The following SPA17 variants were observed in gnomAD, a reference collection of about 807,000 sequenced individuals.
SPA17 encodes sperm surface protein Sp17.
A neutral mutation model predicts 13.8 loss-of-function variants in SPA17; 7 were observed. The ratio of observed to expected loss-of-function variants is 0.51; its 90% CI spans 0.29 to 0.95. The LOEUF (loss-of-function observed/expected upper bound fraction) is 0.95. SPA17 is among the 40% of genes least tolerant of loss of function. The pLI is 0.08. For synonymous variants in SPA17, 61 were observed against 59.0 expected (o/e 1.03, Z -0.16); for missense variants, 170 against 179.3 (o/e 0.95, Z 0.30).
At position 124,690,061 on chromosome 11, in the gene SPA17, G is replaced by A. The variant is rs193205606; in HGVS notation, c.226-1635G>A. Among the ~76,000 whole-genome samples, 10 of 152,192 alleles carry A rather than the reference G, an allele frequency of 6.6e-5. No homozygotes were observed. The East Asian group carries it at 7.7e-4, about 12-fold the overall frequency. Reference sequence around the variant, plus strand: ...CTAAGGAAAGCAGTATGGAGATTTCGCAAATAACTAAAAATAGAATGACCA... The same window carrying A: ...CTAAGGAAAGCAGTATGGAGATTTCACAAATAACTAAAAATAGAATGACCA... On this transcript the variant is annotated intron_variant, in intron 3 of 4. Coordinates refer to ENST00000227135, the MANE Select transcript of SPA17 (RefSeq NM_017425.4).
chr11:124,679,524 A>C (rs1943505487), intron 2 of SPA17, among the ~76,000 whole-genome samples: 1 of 152,218 alleles, frequency 6.6e-6, no homozygotes, highest in Admixed American at 6.5e-5. Context: ...CTTAAATTTG[A>C]GTTGAAAAAT....
intron 3 of SPA17, among the ~76,000 whole-genome samples, chr11:124,684,733 A>G (rs1271104245): frequency 2.0e-5 from 3 of 152,164 alleles, no homozygotes; most frequent in Non-Finnish European, 4.4e-5. Flanking sequence ...CTTTGACCAA[A>G]ATGCTGATAG....
chr11:124,696,650 C>CCTT lies in SPA17; in HGVS notation c.*2206_*2208dup, dbSNP rs1274839568. Reference sequence around the variant, plus strand: ...CTCTCTGGCTGTTCCTTCTCAATTCCCTTCACTGGTAACTCTTCAACTCCC... The same window carrying CCTT: ...CTCTCTGGCTGTTCCTTCTCAATTCCCTTCTTCACTGGTAACTCTTCAACTCCC... On this transcript the variant is annotated 3_prime_UTR_variant, in exon 5 of 5. Coordinates refer to ENST00000227135, the MANE Select transcript of SPA17 (RefSeq NM_017425.4). The CCTT allele has an allele frequency of 6.6e-6, 1 of 152,102 alleles. No individual in the cohort carries two copies. Among genetic ancestry groups the CCTT allele is most frequent in the Non-Finnish European group, 1.5e-5 (1 of 68,042 alleles). The allele number at this position is 152,102 out of a possible 1,614,324, so 9.4% of individuals were successfully genotyped here.
intron 4 of SPA17, among the ~76,000 whole-genome samples, chr11:124,693,972 C>G (rs931190842): frequency 6.6e-5 from 10 of 152,010 alleles, no homozygotes; most frequent in Non-Finnish European, 7.4e-5. Context: ...ACATTTTTAC[C>G]ATGCCTCAAG....
rs1943672564 is a variant in SPA17, at chr11:124,696,489, A to G, written c.*2043A>G. ...AGCACTATGCATTCCATACACACAC[A>G]CACACACACACAGATCTCATGGTAG... On this transcript the variant is annotated 3_prime_UTR_variant, in exon 5 of 5. Transcript: ENST00000227135. 6.6e-6 allele frequency: 1 copy of G among 152,158 alleles called. No individual in the cohort carries two copies. Among genetic ancestry groups the G allele is most frequent in the Admixed American group, 6.5e-5 (1 of 15,282 alleles). The allele number at this position is 152,158 out of a possible 1,614,324, so 9.4% of individuals were successfully genotyped here. A position where few individuals can be genotyped will look rare whatever the true frequency, so the allele number is the denominator to read the frequency against.
chr11:124,679,289 TC>T (rs1416786567), intron 2 of SPA17, among the ~76,000 whole-genome samples: 2 of 151,842 alleles, frequency 1.3e-5, no homozygotes, highest in Non-Finnish European at 2.9e-5. Context: ...AGTGCATATA[TC>T]CTAAAAACAA....
rs1397955160 is a variant in SPA17 at position 124,696,051 on chromosome 11, A to G, written c.*1605A>G. On this transcript the variant is annotated 3_prime_UTR_variant, in exon 5 of 5. Transcript: ENST00000227135. ...TTCAAGGTTGTGGCTTTCATTCTCT[A>G]ATGTCCACTCATACAGGCAGCCTTT... The G allele has an allele frequency of 6.6e-6, 1 of 152,144 alleles. No homozygotes were observed. The highest frequency in any genetic ancestry group is 2.4e-5 in the African/African-American group (1 of 41,412). The allele number at this position is 152,144 out of a possible 1,614,324, so 9.4% of individuals were successfully genotyped here. A position where few individuals can be genotyped will look rare whatever the true frequency, so the allele number is the denominator to read the frequency against.
At position 124,696,490 on chromosome 11, in the gene SPA17, C is replaced by T. The variant is rs1487874182; in HGVS notation, c.*2044C>T. The T allele has an allele frequency of 1.3e-5, 2 of 151,996 alleles. No individual in the cohort carries two copies. Among genetic ancestry groups the T allele is most frequent in the East Asian group, 3.9e-4 (2 of 5,178 alleles). The allele number at this position is 151,996 out of a possible 1,614,324, so 9.4% of individuals were successfully genotyped here. On this transcript the variant is annotated 3_prime_UTR_variant, in exon 5 of 5. Transcript: ENST00000227135. ...GCACTATGCATTCCATACACACACA[C>T]ACACACACACAGATCTCATGGTAGT...
At chr11:124,681,310 A>C in intron 2 of SPA17, 79 bp from the exon 3 acceptor site, 1 of 1,183,794 alleles carries the variant, frequency 8.4e-7, no homozygotes, top group South Asian at 1.7e-5. Flanking sequence ...GAAACAAGAA[A>C]CTTACATTTG....
At chr11:124,678,735 T>C (rs1943498536) in intron 2 of SPA17, among the ~76,000 whole-genome samples, 1 of 152,060 alleles carries the variant, frequency 6.6e-6, no homozygotes, top group South Asian at 2.1e-4. Context: ...GGGGAGTTTT[T>C]GTTTTTTGTT....
At chr11:124,676,012 C>T (rs1352214584) in intron 2 of SPA17, 1 of 152,234 alleles carries the variant, frequency 6.6e-6, no homozygotes, top group East Asian at 1.9e-4. Context: ...TTCCATCCTG[C>T]ACAGAGACCC....
chr11:124,680,329 C>T (rs1943515523), intron 2 of SPA17, among the ~76,000 whole-genome samples: 1 of 152,136 alleles, frequency 6.6e-6, no homozygotes, highest in South Asian at 2.1e-4. Context: ...CAAACCTATA[C>T]AGCTAGCTAC....
At position 124,695,328 on chromosome 11, in the gene SPA17, T is replaced by C. The variant is rs1565427627; in HGVS notation, c.*882T>C. ...CAGAACAAGACTAATAACATCATAT[T>C]GTAAAAAGCAAAAGCTATCATATCA... is the stretch of plus-strand genomic sequence containing the variant. On this transcript the variant is annotated 3_prime_UTR_variant, in exon 5 of 5. Coordinates refer to ENST00000227135, the MANE Select transcript of SPA17 (RefSeq NM_017425.4). 6.6e-6 allele frequency: 1 copy of C among 152,238 alleles called. No individual in the cohort carries two copies. The highest frequency in any genetic ancestry group is 2.4e-5 in the African/African-American group (1 of 41,464). The allele number at this position is 152,238 out of a possible 1,614,324, so 9.4% of individuals were successfully genotyped here.
In SPA17 at chr11:124,676,704, G is replaced by A. The variant is rs372534967; in HGVS notation, c.154+1286G>A. Among the ~76,000 whole-genome samples the A allele has an allele frequency of 2.6e-5, 4 of 152,220 alleles. No individual in the cohort carries two copies. The East Asian group carries it at 7.7e-4, about 29-fold the overall frequency. The stretch of plus-strand genomic sequence containing the variant: ...ATATTTAGAAGAGGAACGTTATTAA[G>A]AGAAATCATTTGGCAATAGACTTGG... On this transcript the variant is annotated intron_variant, in intron 2 of 4. Coordinates refer to ENST00000227135, the MANE Select transcript of SPA17 (RefSeq NM_017425.4).
rs187346088 is a variant in SPA17, at chr11:124,674,041, C to T, written c.-28+89C>T. 165 of 318,648 alleles carry T rather than the reference C, an allele frequency of 5.2e-4. 1 individual carries two copies. The highest frequency in any genetic ancestry group is 2.0e-3 in the Middle Eastern group (2 of 1,004). 19.7% of individuals were successfully genotyped at this position (318,648 alleles called of 1,614,324 possible). On this transcript the variant is annotated intron_variant, in intron 1 of 4. Coordinates refer to ENST00000227135, the MANE Select transcript of SPA17 (RefSeq NM_017425.4). ...ATTCTCTCAGCATCCCAGACACAGCCTCGGAGCCCTGGGCCGTTTGGGAGC... is the reference window on the plus strand; with the variant it reads ...ATTCTCTCAGCATCCCAGACACAGCTTCGGAGCCCTGGGCCGTTTGGGAGC...
At chr11:124,687,677 A>T (rs1350606653) in intron 3 of SPA17, among the ~76,000 whole-genome samples, 7 of 152,248 alleles carry the variant, frequency 4.6e-5, no homozygotes, top group African/African-American at 1.7e-4. Flanking sequence ...GATACATCAC[A>T]TCAACAAAAT....
At chr11:124,686,919 C>T (rs543871400) in intron 3 of SPA17, among the ~76,000 whole-genome samples, 1 of 151,882 alleles carries the variant, frequency 6.6e-6, no homozygotes, top group Non-Finnish European at 1.5e-5. Context: ...GAAACAGTAG[C>T]AGAAGAGAGA....
chr11:124,677,960 G>A (rs1245395445), intron 2 of SPA17, among the ~76,000 whole-genome samples: 1 of 152,164 alleles, frequency 6.6e-6, no homozygotes, highest in South Asian at 2.1e-4. Flanking sequence ...CCATTACATT[G>A]GCAAAAAGCC....
At chr11:124,693,336 G>A (rs1943641142) in intron 4 of SPA17, among the ~76,000 whole-genome samples, 1 of 152,022 alleles carries the variant, frequency 6.6e-6, no homozygotes, top group Non-Finnish European at 1.5e-5. Context: ...AGGTACATCA[G>A]TATAATATAA....
Sources: allele counts gnomAD v4.1 joint callset (sites outside exome capture counted in the v4.1 genomes callset), GRCh38; gene constraint gnomAD v4.1.1; transcripts MANE v1.5; gene names NCBI Gene and HGNC (gene_info 2026-07-23, HGNC 2026-07-21).